POU6F1: variants seen among roughly 807,000 people sequenced by gnomAD.
POU6F1 encodes the protein POU domain, class 6, transcription factor 1.
POU6F1 carries 9 observed loss-of-function variants against 28.9 expected under a neutral mutation model. That is an observed-to-expected ratio of 0.31 (90% CI 0.19 to 0.54). The LOEUF is 0.54. Among genes scored for constraint, POU6F1 ranks in the 20% least tolerant of loss-of-function variants. The pLI is 0.94. For synonymous variants in POU6F1, 173 were observed against 171.1 expected, an observed-to-expected ratio of 1.01 and a Z score of -0.09; for missense variants, 338 against 426.1, an observed-to-expected ratio of 0.79 and a Z score of 1.82.
Position 51,206,804 on chromosome 12 carries a change from C to G in POU6F1, c.33G>C (p.Leu11=). The G allele has an allele frequency of 2.5e-6, 1 of 398,810 alleles. No individual in the cohort carries two copies. The highest frequency in any genetic ancestry group is 4.4e-6 in the Non-Finnish European group (1 of 226,080). 24.7% of individuals were successfully genotyped at this position (398,810 alleles called of 1,614,324 possible). Reference sequence around the variant, plus strand: ...CAGAAGATACCTGCTCATTGACAGTCAGAGATGTCTCTGACCCGGCTCCAG... The same window carrying G: ...CAGAAGATACCTGCTCATTGACAGTGAGAGATGTCTCTGACCCGGCTCCAG... MDPGAGSETS[L]TVNEQVIVMS... is the part of the protein sequence containing the mutation. The change falls in exon 2 of 11, where the codon CTG becomes CTC. Residue 11 remains leucine (L), a synonymous_variant. Transcript: ENST00000333640.
At chr12:51,194,354 CT>C (rs1942661273) in intron 8 of POU6F1, among the ~76,000 whole-genome samples, 1 of 152,078 alleles carries the variant, frequency 6.6e-6, no homozygotes, top group African/African-American at 2.4e-5. Context: ...AAAAATGCAT[CT>C]CTCAGCTGGG....
At chr12:51,200,838 C>T (rs1375622332) in intron 3 of POU6F1, among the ~76,000 whole-genome samples, 1 of 152,108 alleles carries the variant, frequency 6.6e-6, no homozygotes, top group Non-Finnish European at 1.5e-5. Flanking sequence ...CAGGCGCATA[C>T]CACCACGCCT....
In POU6F1 at chr12:51,199,159, GCCCC is replaced by G. The variant is rs1943039677; in HGVS notation, c.367-388_367-385del. On this transcript the variant is annotated intron_variant, in intron 4 of 10. Transcript: ENST00000333640. The surrounding 1 kb of genome is among the most constrained non-coding windows in gnomAD (Gnocchi z 4.1). ...AGGCTGATGGAACCAAGTGGTCAAG[GCCCC>G]GCAGAGGCTAATGGAACCAAGTGGT... Among the ~76,000 whole-genome samples the G allele has an allele frequency of 2.5e-3, 1 of 398 alleles. No individual in the cohort carries two copies. The highest frequency in any genetic ancestry group is 5.0e-3 in the Non-Finnish European group (1 of 200). The allele number at this position is 398 out of a possible 152,430, so 0.3% of individuals were successfully genotyped here. A position where few individuals can be genotyped will look rare whatever the true frequency, so the allele number is the denominator to read the frequency against.
Position 51,199,901 on chromosome 12 carries a change from G to C in POU6F1, c.245-33C>G, listed in dbSNP as rs1279074572. The C allele has an allele frequency of 7.5e-6, 3 of 399,306 alleles. No homozygotes were observed. Among genetic ancestry groups the C allele is most frequent in the Admixed American group, 4.4e-5 (1 of 22,728 alleles). The allele number at this position is 399,306 out of a possible 1,614,324, so 24.7% of individuals were successfully genotyped here. ...AGGCATTGAGAGAAAGAAGGACAAGGAGTGAGCCTGACGTGAGTGGAGGGG... is the reference window on the plus strand; with the variant it reads ...AGGCATTGAGAGAAAGAAGGACAAGCAGTGAGCCTGACGTGAGTGGAGGGG... On this transcript the variant is annotated intron_variant, in intron 3 of 10. Transcript: ENST00000333640. This position sits in a 1 kb window ranked among gnomAD's most constrained non-coding sequence, Gnocchi z 4.1.
intron 1 of POU6F1, among the ~76,000 whole-genome samples, chr12:51,209,735 G>A (rs1343367122): frequency 6.6e-6 from 1 of 152,138 alleles, no homozygotes; most frequent in Non-Finnish European, 1.5e-5. Flanking sequence ...AGAACCATGA[G>A]GTTCTTTCCC....
At position 51,188,818 on chromosome 12, in the gene POU6F1, C is replaced by A. The variant is rs920423707; in HGVS notation, c.*1429G>T. The A allele has an allele frequency of 6.6e-6, 1 of 152,160 alleles. No individual in the cohort carries two copies. The highest frequency in any genetic ancestry group is 1.9e-4 in the East Asian group (1 of 5,196). The allele number at this position is 152,160 out of a possible 1,614,324, so 9.4% of individuals were successfully genotyped here. The stretch of plus-strand genomic sequence containing the variant: ...GAGTACTGAAGACAGGGGTGGTTGA[C>A]CCCCGTGACTTGGGGCCCTTTAGGG... On this transcript the variant is annotated 3_prime_UTR_variant, in exon 11 of 11. Coordinates refer to ENST00000333640, the MANE Select transcript of POU6F1 (RefSeq NM_001330422.2).
At position 51,191,379 on chromosome 12, in the gene POU6F1, G is replaced by A. The variant is rs372571523; in HGVS notation, c.1490+217C>T. Among the ~76,000 whole-genome samples the A allele has an allele frequency of 4.3e-3, 658 of 151,930 alleles. 2 individuals carry two copies. The highest frequency in any genetic ancestry group is 0.01 in the Middle Eastern group (3 of 294). ...AAAGAAGACCCATATTAATGCCCAG[G>A]ATTGGAGGATAATCTTCAGAGGACC... On this transcript the variant is annotated intron_variant, in intron 10 of 10. Coordinates refer to ENST00000333640, the MANE Select transcript of POU6F1 (RefSeq NM_001330422.2).
rs1277709202 is a variant in POU6F1 at position 51,190,729 on chromosome 12, C to G, written c.1491-137G>C. The G allele has an allele frequency of 1.5e-6, 2 of 1,312,814 alleles. No individual in the cohort carries two copies. Among genetic ancestry groups the G allele is most frequent in the African/African-American group, 1.5e-5 (1 of 67,252 alleles). 81.3% of individuals were successfully genotyped at this position (1,312,814 alleles called of 1,614,324 possible). A position where few individuals can be genotyped will look rare whatever the true frequency, so the allele number is the denominator to read the frequency against. On this transcript the variant is annotated intron_variant, in intron 10 of 10. Transcript: ENST00000333640. This position sits in a 1 kb window ranked among gnomAD's most constrained non-coding sequence, Gnocchi z 4.5. ...GTGAGACTGTACCCAGTGCTCCCCTCACCACCTCCACCAAGACCCCTCTAG... is the reference window on the plus strand; with the variant it reads ...GTGAGACTGTACCCAGTGCTCCCCTGACCACCTCCACCAAGACCCCTCTAG...
At position 51,190,439 on chromosome 12, in the gene POU6F1, G is replaced by T; in HGVS notation, c.1644C>A (p.Arg548=). ...CTATGGCCTGGGGGGTGAAGGAGGT[G>T]CGGCGTTTGCGTTTCTTGGAGGGCT... ...GGEPSKKRKR[R]TSFTPQAIEA... is the part of the protein sequence containing the mutation. The change falls in exon 11 of 11, where the codon CGC becomes CGA. Residue 548 remains arginine, a synonymous_variant. Coordinates refer to ENST00000333640, the MANE Select transcript of POU6F1 (RefSeq NM_001330422.2). The surrounding 1 kb of genome is among the most constrained non-coding windows in gnomAD (Gnocchi z 4.5). 6.2e-7 allele frequency: 1 copy of T among 1,614,154 alleles called. No homozygotes were observed. The highest frequency in any genetic ancestry group is 8.5e-7 in the Non-Finnish European group (1 of 1,180,046).
rs1248963700 is a variant in POU6F1, at chr12:51,188,486, G to A, written c.*1761C>T. On this transcript the variant is annotated 3_prime_UTR_variant, in exon 11 of 11. Coordinates refer to ENST00000333640, the MANE Select transcript of POU6F1 (RefSeq NM_001330422.2). ...GGTTTGTCCAAATGCAGCAGAGCGT[G>A]TATGTGTGTGTGTGTGCGCGCGTCT... is the stretch of plus-strand genomic sequence containing the variant. 1 of 152,300 alleles carries A rather than the reference G, an allele frequency of 6.6e-6. No homozygotes were observed. The highest frequency in any genetic ancestry group is 1.5e-5 in the Non-Finnish European group (1 of 68,070). The allele number at this position is 152,300 out of a possible 1,614,324, so 9.4% of individuals were successfully genotyped here. A position where few individuals can be genotyped will look rare whatever the true frequency, so the allele number is the denominator to read the frequency against.
chr12:51,208,258 G>A (rs958742918), intron 1 of POU6F1, among the ~76,000 whole-genome samples: 1 of 152,110 alleles, frequency 6.6e-6, no homozygotes, highest in Admixed American at 6.5e-5. Flanking sequence ...TGAGCAGTGA[G>A]TGGTGCACTC....
At chr12:51,208,496 T>C (rs1329045489) in intron 1 of POU6F1, among the ~76,000 whole-genome samples, 1 of 152,170 alleles carries the variant, frequency 6.6e-6, no homozygotes, top group African/African-American at 2.4e-5. Flanking sequence ...ATGTTACAGA[T>C]GGTGAAACAA....
Position 51,190,736 on chromosome 12 carries a change from T to C in POU6F1, c.1491-144A>G. On this transcript the variant is annotated intron_variant, in intron 10 of 10. Transcript: ENST00000333640. The surrounding 1 kb of genome is among the most constrained non-coding windows in gnomAD (Gnocchi z 4.5). ...TGTACCCAGTGCTCCCCTCACCACC[T>C]CCACCAAGACCCCTCTAGTTTGGCC... 1 of 1,297,164 alleles carries C rather than the reference T, an allele frequency of 7.7e-7. No homozygotes were observed. The highest frequency in any genetic ancestry group is 1.0e-6 in the Non-Finnish European group (1 of 967,738). The allele number at this position is 1,297,164 out of a possible 1,614,324, so 80.4% of individuals were successfully genotyped here.
In POU6F1 at chr12:51,206,152, G is replaced by A. The variant is rs570833452; in HGVS notation, c.48+637C>T. On this transcript the variant is annotated intron_variant, in intron 2 of 10. Coordinates refer to ENST00000333640, the MANE Select transcript of POU6F1 (RefSeq NM_001330422.2). ...TCCTTTTAAAAAATGGGCCGGGCGC[G>A]GTGGCTCACGCCTGTAATTCCAGCA... is the stretch of plus-strand genomic sequence containing the variant. Among the ~76,000 whole-genome samples the A allele has an allele frequency of 6.7e-5, 10 of 149,440 alleles. No individual in the cohort carries two copies. The South Asian group carries it at 8.5e-4, about 13-fold the overall frequency.
chr12:51,200,512 G>A (rs1943137960), intron 3 of POU6F1, among the ~76,000 whole-genome samples: 2 of 152,148 alleles, frequency 1.3e-5, no homozygotes, highest in South Asian at 4.1e-4. Flanking sequence ...CCCGTGACCT[G>A]CAGCTTTTTG....
At chr12:51,191,787 G>A in intron 9 of POU6F1, 23 bp from the exon 10 acceptor site, 1 of 1,613,192 alleles carries the variant, frequency 6.2e-7, no homozygotes, top group Non-Finnish European at 8.5e-7. Flanking sequence ...GAGGGAGCAG[G>A]GATGAGTGTG....
rs551949514 is a variant in POU6F1, at chr12:51,190,827, G to A, written c.1491-235C>T. 1.3e-5 allele frequency among the ~76,000 whole-genome samples: 2 copies of A among 152,138 alleles called. No homozygotes were observed. Among genetic ancestry groups the A allele is most frequent in the South Asian group, 2.1e-4 (1 of 4,818 alleles). On this transcript the variant is annotated intron_variant, in intron 10 of 10. Coordinates refer to ENST00000333640, the MANE Select transcript of POU6F1 (RefSeq NM_001330422.2). The surrounding 1 kb of genome is among the most constrained non-coding windows in gnomAD (Gnocchi z 4.5). ...ACAGGGAAACCATTCCCACGGCCTC[G>A]GCTCAGTCAGTAGTGGAATAATAAT...
At chr12:51,192,705 T>C (rs1465189325) in intron 8 of POU6F1, among the ~76,000 whole-genome samples, 3 of 152,042 alleles carry the variant, frequency 2.0e-5, no homozygotes, top group Non-Finnish European at 2.9e-5. Flanking sequence ...GGGAGTTTGA[T>C]ATCAGCCTGG....
At chr12:51,213,993 C>T (rs1166376744) in intron 1 of POU6F1, among the ~76,000 whole-genome samples, 1 of 151,454 alleles carries the variant, frequency 6.6e-6, no homozygotes, top group African/African-American at 2.4e-5. Context: ...AAATACAAAA[C>T]TTAGCTGGGT....
Sources: allele counts gnomAD v4.1 joint callset (sites outside exome capture counted in the v4.1 genomes callset), GRCh38; gene constraint gnomAD v4.1.1; non-coding constraint Gnocchi (gnomAD v3.1); transcripts MANE v1.5; gene names NCBI Gene and HGNC (gene_info 2026-07-23, HGNC 2026-07-21).